The following SHC3 variants were observed in gnomAD, a reference collection of about 807,000 sequenced individuals.
SHC3 encodes the protein SHC adaptor protein 3.
A neutral mutation model predicts 60.4 loss-of-function variants in SHC3; 15 were observed. That is an observed-to-expected ratio of 0.25 (90% CI 0.17 to 0.38). The LOEUF (loss-of-function observed/expected upper bound fraction) is 0.38, where lower values mean the gene tolerates loss of function less well. Among genes scored for constraint, SHC3 ranks in the 10% least tolerant of loss-of-function variants. The pLI, the probability that SHC3 is intolerant of heterozygous loss-of-function variation, is 1.00. For missense variants in SHC3, 677 were observed against 786.1 expected, an observed-to-expected ratio of 0.86 and a Z score of 1.66; for synonymous variants, 294 against 325.9, an observed-to-expected ratio of 0.90 and a Z score of 1.05.
chr9:89,080,795 C>G (rs770251865), intron 2 of SHC3, among the ~76,000 whole-genome samples: 2 of 117,526 alleles, frequency 1.7e-5, no homozygotes, highest in Non-Finnish European at 1.7e-5. Context: ...GAGACTTAGT[C>G]TTGCTCTTTC....
chr9:89,032,252 T>C (rs1425476919), intron 11 of SHC3, among the ~76,000 whole-genome samples: 2 of 152,180 alleles, frequency 1.3e-5, no homozygotes, highest in Non-Finnish European at 2.9e-5. Context: ...TTAGGGAACA[T>C]TTAAAAACTA....
intron 1 of SHC3, among the ~76,000 whole-genome samples, chr9:89,132,917 A>G (rs1826268365): frequency 6.6e-6 from 1 of 152,216 alleles, no homozygotes; most frequent in East Asian, 1.9e-4. Flanking sequence ...ATGGGATCTA[A>G]TTAAACTAAA....
At chr9:89,047,164 T>A (rs974920797) in intron 7 of SHC3, among the ~76,000 whole-genome samples, 170 bp from the exon 8 acceptor site, 2 of 152,212 alleles carry the variant, frequency 1.3e-5, no homozygotes, top group African/African-American at 4.8e-5. Context: ...TAGCAAAATA[T>A]CTCTGCCATA....
At chr9:89,126,362 G>A (rs1280304698) in intron 1 of SHC3, among the ~76,000 whole-genome samples, 1 of 152,196 alleles carries the variant, frequency 6.6e-6, no homozygotes, top group Non-Finnish European at 1.5e-5. Flanking sequence ...CCATTCGGTA[G>A]AGTCTCTCTC....
At chr9:89,077,987 A>C (rs1276614816) in intron 2 of SHC3, 84 bp from the exon 3 acceptor site, 5 of 1,452,634 alleles carry the variant, frequency 3.4e-6, no homozygotes, top group Non-Finnish European at 4.8e-6. Flanking sequence ...ACATCCAAAG[A>C]AAATAACTGC....
At chr9:89,171,283 G>A (rs1199793438) in intron 1 of SHC3, among the ~76,000 whole-genome samples, 1 of 151,836 alleles carries the variant, frequency 6.6e-6, no homozygotes, top group African/African-American at 2.4e-5. Context: ...GCAGGTGGCA[G>A]TGGAAATTTT....
chr9:89,041,659 G>A (rs1334582816), intron 10 of SHC3, among the ~76,000 whole-genome samples: 3 of 152,220 alleles, frequency 2.0e-5, no homozygotes, highest in South Asian at 2.1e-4. Context: ...GTGGAAACAC[G>A]GGCCATGCCA....
intron 1 of SHC3, among the ~76,000 whole-genome samples, chr9:89,140,315 C>G (rs1395367824): frequency 4.6e-5 from 7 of 151,932 alleles, no homozygotes; most frequent in African/African-American, 1.5e-4. Context: ...TAAGCAGGGA[C>G]AGCTGGAAGG....
intron 1 of SHC3, among the ~76,000 whole-genome samples, chr9:89,146,273 C>G (rs1297964259): frequency 1.3e-5 from 2 of 151,956 alleles, no homozygotes; most frequent in African/African-American, 4.8e-5. Context: ...AGGAGACTCT[C>G]TGGAACCTGG....
rs543654816 is a variant in SHC3, at chr9:89,009,695, G to C, written c.*3752C>G. 1 of 152,140 alleles carries C rather than the reference G, an allele frequency of 6.6e-6. No homozygotes were observed. The highest frequency in any genetic ancestry group is 1.5e-5 in the Non-Finnish European group (1 of 68,058). 9.4% of individuals were successfully genotyped at this position (152,140 alleles called of 1,614,324 possible). On this transcript the variant is annotated 3_prime_UTR_variant, in exon 12 of 12. Transcript: ENST00000375835. ...GGATGGAGGTATCTACTCGTGGCCC[G>C]CATTGCCTCTGCCCTGGAAAGGCCT...
At chr9:89,052,631 C>G (rs907193253) in intron 6 of SHC3, among the ~76,000 whole-genome samples, 3 of 152,132 alleles carry the variant, frequency 2.0e-5, no homozygotes, top group Admixed American at 6.5e-5. Context: ...GGACTTAGAG[C>G]AAGTAGTTCA....
chr9:89,095,469 A>C (rs1825688037), intron 2 of SHC3, among the ~76,000 whole-genome samples: 1 of 152,054 alleles, frequency 6.6e-6, no homozygotes, highest in Admixed American at 6.6e-5. Flanking sequence ...GGAAGTGGGG[A>C]GTTGTTGTCT....
At chr9:89,021,250 CCTT>C (rs1336256633) in intron 11 of SHC3, among the ~76,000 whole-genome samples, 4 of 152,188 alleles carry the variant, frequency 2.6e-5, no homozygotes, top group Admixed American at 2.6e-4. Flanking sequence ...GGGGTAGTCT[CCTT>C]CTGCCTCAGG....
rs558348546 is a variant in SHC3 at position 89,050,315 on chromosome 9, T to C, written c.962+1722A>G. ...GTGTTTGATTTTCTGAGATGGAGTC[T>C]TGCTTTGTCACCCAGGCTGGAGTGC... is the stretch of plus-strand genomic sequence containing the variant. On this transcript the variant is annotated intron_variant, in intron 7 of 11. Transcript: ENST00000375835. Among the ~76,000 whole-genome samples, 16 of 152,328 alleles carry C rather than the reference T, an allele frequency of 1.1e-4. No homozygotes were observed. The South Asian group carries it at 1.7e-3, about 16-fold the overall frequency.
intron 2 of SHC3, among the ~76,000 whole-genome samples, chr9:89,108,029 T>A (rs74835601): frequency 0.014 from 2,100 of 152,310 alleles, 49 homozygotes; most frequent in African/African-American, 0.045. Context: ...ATATGACAGA[T>A]ACACAAATAC....
At chr9:89,106,277 C>T (rs569224233) in intron 2 of SHC3, among the ~76,000 whole-genome samples, 1 of 152,318 alleles carries the variant, frequency 6.6e-6, no homozygotes, top group South Asian at 2.1e-4. Context: ...AAGACTGGAC[C>T]AGGCAGCTGT....
Position 89,105,148 on chromosome 9 carries a change from T to C in SHC3, c.545+7408A>G, listed in dbSNP as rs148705020. Among the ~76,000 whole-genome samples, 1,484 of 152,260 alleles carry C rather than the reference T, an allele frequency of 9.7e-3. 19 individuals are homozygous for C. The highest frequency in any genetic ancestry group is 0.012 in the Non-Finnish European group (787 of 68,014). On this transcript the variant is annotated intron_variant, in intron 2 of 11. Transcript: ENST00000375835. ...CCATCACACCACAGTGGTCAGCAAATCCATCTTGATGGTCTTGTAATGATG... is the reference window on the plus strand; with the variant it reads ...CCATCACACCACAGTGGTCAGCAAACCCATCTTGATGGTCTTGTAATGATG...
intron 11 of SHC3, among the ~76,000 whole-genome samples, chr9:89,022,230 G>A (rs778200284): frequency 6.6e-6 from 1 of 151,998 alleles, no homozygotes; most frequent in South Asian, 2.1e-4. Context: ...CGGTCCTGTC[G>A]GGGCTCCAGG....
intron 11 of SHC3, among the ~76,000 whole-genome samples, chr9:89,035,831 A>ATG (rs1824564079): frequency 6.1e-5 from 3 of 49,010 alleles, no homozygotes; most frequent in Non-Finnish European, 1.1e-4. Context: ...AACAAACAAA[A>ATG]TATATATATA....
Sources: gnomAD v4.1 joint callset for allele counts (sites outside exome capture counted in the v4.1 genomes callset) on GRCh38, gnomAD v4.1.1 for gene constraint, MANE v1.5 for transcripts, NCBI Gene and HGNC (gene_info 2026-07-23, HGNC 2026-07-21) for gene names.